Variants in CHST9 observed in about 807,000 individuals in gnomAD.
The protein encoded by CHST9 is carbohydrate sulfotransferase 9.
Under a neutral mutation model 44.4 loss-of-function variants are expected in CHST9, and 41 were observed. The observed-to-expected ratio is 0.92, with a 90% CI of 0.72 to 1.20. The LOEUF is 1.20. CHST9 is among the 50% of genes most tolerant of loss of function. CHST9 has a pLI of 0.00. For missense variants in CHST9, 504 were observed against 516.5 expected, an observed-to-expected ratio of 0.98 and a Z score of 0.23; for synonymous variants, 171 against 178.4, an observed-to-expected ratio of 0.96 and a Z score of 0.33.
intron 5 of CHST9, chr18:26,934,598 A>G (rs925488791): frequency 1.3e-5 from 2 of 152,246 alleles, no homozygotes; most frequent in African/African-American, 4.8e-5. Context: ...GCCTCTTAAG[A>G]GTGGAAGCAG....
chr18:27,027,887 G>A (rs895479330), intron 3 of CHST9, among the ~76,000 whole-genome samples: 1 of 151,968 alleles, frequency 6.6e-6, no homozygotes, highest in Admixed American at 6.6e-5. Context: ...TAATTCTATA[G>A]CCTTTATTTT....
At chr18:26,930,007 C>T (rs2055848102) in intron 5 of CHST9, among the ~76,000 whole-genome samples, 1 of 152,208 alleles carries the variant, frequency 6.6e-6, no homozygotes, top group Non-Finnish European at 1.5e-5. Context: ...GGAATGCACT[C>T]CATTCGTCTC....
intron 4 of CHST9, among the ~76,000 whole-genome samples, chr18:26,993,667 A>T (rs893846740): frequency 2.6e-5 from 4 of 152,236 alleles, no homozygotes; most frequent in Non-Finnish European, 5.9e-5. Context: ...TAGAAAATTA[A>T]ACACAATCTT....
At chr18:27,068,583 T>A (rs73404829) in intron 2 of CHST9, among the ~76,000 whole-genome samples, 20,208 of 152,186 alleles carry the variant, frequency 0.13, 1,914 homozygotes, top group African/African-American at 0.26. Flanking sequence ...CTCCTGATGA[T>A]ATCCAGGTAT....
intron 2 of CHST9, among the ~76,000 whole-genome samples, chr18:27,067,050 G>A (rs1303847558): frequency 2.0e-5 from 3 of 151,902 alleles, no homozygotes; most frequent in Non-Finnish European, 4.4e-5. Context: ...CCAGTAGTAG[G>A]ACCCAATTTT....
intron 4 of CHST9, among the ~76,000 whole-genome samples, chr18:26,962,207 A>G (rs1160821290): frequency 6.6e-6 from 1 of 151,918 alleles, no homozygotes; most frequent in African/African-American, 2.4e-5. Context: ...TGGGGTGTTA[A>G]TGACTCTCCT....
chr18:26,971,377 T>C (rs1216707734), intron 4 of CHST9, among the ~76,000 whole-genome samples: 1 of 152,250 alleles, frequency 6.6e-6, no homozygotes, highest in Non-Finnish European at 1.5e-5. Context: ...CAAACACTTA[T>C]GGAGCATATG....
chr18:27,005,380 T>C (rs1308678124), intron 4 of CHST9, among the ~76,000 whole-genome samples: 2 of 152,178 alleles, frequency 1.3e-5, no homozygotes, highest in Non-Finnish European at 2.9e-5. Flanking sequence ...TTCTTCTCTC[T>C]TTAAAATTTG....
rs1442290516 is a variant in CHST9, at chr18:26,910,295, G to A, written c.*5964C>T. The A allele has an allele frequency of 1.4e-5, 2 of 144,114 alleles. No homozygotes were observed. Among genetic ancestry groups the A allele is most frequent in the African/African-American group, 5.2e-5 (2 of 38,234 alleles). The allele number at this position is 144,114 out of a possible 1,614,324, so 8.9% of individuals were successfully genotyped here. A position where few individuals can be genotyped will look rare whatever the true frequency, so the allele number is the denominator to read the frequency against. On this transcript the variant is annotated 3_prime_UTR_variant, in exon 6 of 6. Coordinates refer to ENST00000618847, the MANE Select transcript of CHST9 (RefSeq NM_031422.6). ...GACCAAAGGGCAAGCAGCACTGTGAGCAAGGATATGGAAACCCGGAATGGG... is the reference window on the plus strand; with the variant it reads ...GACCAAAGGGCAAGCAGCACTGTGAACAAGGATATGGAAACCCGGAATGGG...
chr18:27,066,754 A>G (rs1428219127), intron 2 of CHST9, among the ~76,000 whole-genome samples: 1 of 152,238 alleles, frequency 6.6e-6, no homozygotes, highest in Non-Finnish European at 1.5e-5. Flanking sequence ...CATTAATTAT[A>G]CTTCACTATA....
intron 1 of CHST9, among the ~76,000 whole-genome samples, chr18:27,156,018 T>TA (rs1237667631): frequency 2.0e-5 from 3 of 151,948 alleles, no homozygotes; most frequent in Admixed American, 6.6e-5. Flanking sequence ...AAACATATTA[T>TA]AAAAAACGTG....
At chr18:27,053,574 T>C (rs16943235) in intron 2 of CHST9, among the ~76,000 whole-genome samples, 15,164 of 152,156 alleles carry the variant, frequency 0.1, 854 homozygotes, top group East Asian at 0.25. Flanking sequence ...GGGTTATCTA[T>C]TTTCTATGGG....
chr18:27,115,015 A>G (rs2058308191), intron 2 of CHST9, among the ~76,000 whole-genome samples: 1 of 152,108 alleles, frequency 6.6e-6, no homozygotes, highest in Admixed American at 6.5e-5. Flanking sequence ...GAGTCTTACG[A>G]GATCAGAAGT....
Position 27,142,859 on chromosome 18 carries a change from A to T in CHST9, c.-50T>A, listed in dbSNP as rs755535918. The T allele has an allele frequency of 6.5e-7, 1 of 1,547,474 alleles. No individual in the cohort carries two copies. The highest frequency in any genetic ancestry group is 1.3e-5 in the South Asian group (1 of 77,848). On this transcript the variant is annotated 5_prime_UTR_variant, in exon 2 of 6. Transcript: ENST00000618847. ...ACCACATGATTTGTTTTCCCGTAAA[A>T]CTTCAGTCTTTTCTTGTTCTCTAAG...
intron 4 of CHST9, among the ~76,000 whole-genome samples, chr18:26,989,547 C>T (rs974783338): frequency 6.6e-6 from 1 of 152,342 alleles, no homozygotes; most frequent in African/African-American, 2.4e-5. Context: ...AAACATATAA[C>T]TACCCTTGAT....
chr18:26,937,835 C>T (rs1222509615), intron 5 of CHST9, among the ~76,000 whole-genome samples: 2 of 152,152 alleles, frequency 1.3e-5, no homozygotes, highest in Non-Finnish European at 1.5e-5. Flanking sequence ...ATTATTATTA[C>T]TAATGTCGTG....
At chr18:26,939,000 T>G (rs1244687324) in intron 5 of CHST9, among the ~76,000 whole-genome samples, 1 of 152,214 alleles carries the variant, frequency 6.6e-6, no homozygotes, top group African/African-American at 2.4e-5. Context: ...CTGAAGAATT[T>G]ACATTCTGCC....
intron 1 of CHST9, among the ~76,000 whole-genome samples, chr18:27,182,227 G>C (rs2058917918): frequency 6.6e-6 from 1 of 152,118 alleles, no homozygotes; most frequent in Non-Finnish European, 1.5e-5. Flanking sequence ...GATGTAACAT[G>C]TTCTTATGTA....
intron 4 of CHST9, among the ~76,000 whole-genome samples, chr18:26,950,110 G>T (rs2056223635): frequency 6.6e-6 from 1 of 152,204 alleles, no homozygotes; most frequent in Non-Finnish European, 1.5e-5. Context: ...AAAAGGAAAT[G>T]AATTCAAACA....
Sources: allele counts gnomAD v4.1 joint callset (sites outside exome capture counted in the v4.1 genomes callset), GRCh38; gene constraint gnomAD v4.1.1; transcripts MANE v1.5; gene names NCBI Gene and HGNC (gene_info 2026-07-23, HGNC 2026-07-21).